Variants in MTRF1 observed in about 807,000 individuals in gnomAD.
The protein encoded by MTRF1 is mitochondrial translation release factor 1.
In MTRF1, 51 loss-of-function variants were observed where a neutral mutation model predicts 62.9. The observed-to-expected ratio is 0.81, with a 90% CI of 0.65 to 1.02. The LOEUF (loss-of-function observed/expected upper bound fraction) is 1.02. Ranked by LOEUF, MTRF1 falls within the 50% of genes least tolerant of loss-of-function variation. MTRF1 has a pLI of 0.00. For synonymous variants in MTRF1, 158 were observed against 181.9 expected (o/e 0.87, Z 1.06); for missense variants, 446 against 530.0 (o/e 0.84, Z 1.56).
At chr13:41,273,868 C>G in the MTRF1 span, among the ~76,000 whole-genome samples, 1 of 149,234 alleles carries the variant, frequency 6.7e-6, no homozygotes, top group African/African-American at 2.6e-5. Context: ...AAGCTGAACA[C>G]TGATTTGGTC....
the MTRF1 span, among the ~76,000 whole-genome samples, chr13:41,278,997 A>AT: frequency 2.0e-5 from 3 of 151,576 alleles, no homozygotes; most frequent in Admixed American, 6.6e-5. Context: ...TTTATTTTTT[A>AT]TTTTTTTTGA....
the MTRF1 span, among the ~76,000 whole-genome samples, chr13:41,296,405 C>T: frequency 6.6e-6 from 1 of 152,168 alleles, no homozygotes; most frequent in African/African-American, 2.4e-5. Context: ...TGTTTCAAAC[C>T]TTTTGACATC....
the MTRF1 span, among the ~76,000 whole-genome samples, chr13:41,297,600 G>C: frequency 6.6e-6 from 1 of 150,426 alleles, no homozygotes. Flanking sequence ...TTCTGAGACC[G>C]GGTCTTGCTT....
the MTRF1 span, among the ~76,000 whole-genome samples, chr13:41,309,383 T>TGTGTGTGTGTGC: frequency 6.9e-6 from 1 of 144,810 alleles, no homozygotes; most frequent in Admixed American, 6.9e-5. Context: ...TGTGTGTGTG[T>TGTGTGTGTGTGC]TTGCCATGTT....
At chr13:41,264,367 C>A (rs3764054), upstream of MTRF1, among the ~76,000 whole-genome samples, 94,644 of 152,112 alleles carry the variant, frequency 0.62, 29,790 homozygotes, top group Admixed American at 0.65. Flanking sequence ...ATGAAAACTC[C>A]AGTTAATAAA....
At chr13:41,274,634 T>A in the MTRF1 span, among the ~76,000 whole-genome samples, 6 of 151,506 alleles carry the variant, frequency 4.0e-5, no homozygotes, top group African/African-American at 1.5e-4. Flanking sequence ...ACGATAACTT[T>A]GACATGAAAT....
chr13:41,276,581 A>G, the MTRF1 span, among the ~76,000 whole-genome samples: 9 of 152,194 alleles, frequency 5.9e-5, no homozygotes, highest in African/African-American at 2.2e-4. Context: ...TCCAAAAATT[A>G]TAACAGTGAG....
chr13:41,309,181 G>A, the MTRF1 span, among the ~76,000 whole-genome samples: 1 of 151,896 alleles, frequency 6.6e-6, no homozygotes, highest in East Asian at 1.9e-4. Context: ...GAACATACAC[G>A]TGCATGTGTC....
chr13:41,274,912 C>CTAT, the MTRF1 span, among the ~76,000 whole-genome samples: 408 of 151,612 alleles, frequency 2.7e-3, 3 homozygotes, highest in African/African-American at 9.0e-3. Flanking sequence ...CGTGCCCGGC[C>CTAT]TATTATTATT....
chr13:41,308,377 T>G, the MTRF1 span, among the ~76,000 whole-genome samples: 2 of 152,270 alleles, frequency 1.3e-5, no homozygotes, highest in Non-Finnish European at 2.9e-5. Flanking sequence ...AGGGCTTGAC[T>G]GACGCACTGA....
At chr13:41,249,346 C>G (rs1475375972) in intron 5 of MTRF1, among the ~76,000 whole-genome samples, 1 of 152,042 alleles carries the variant, frequency 6.6e-6, no homozygotes, top group Non-Finnish European at 1.5e-5. Flanking sequence ...TGGAGACCAT[C>G]CTGGCTAACA....
intron 5 of MTRF1, among the ~76,000 whole-genome samples, chr13:41,244,278 G>A (rs555704133): frequency 6.6e-6 from 1 of 152,342 alleles, no homozygotes; most frequent in East Asian, 1.9e-4. Flanking sequence ...TGAAAAGTCT[G>A]AAGGAAATCT....
the MTRF1 span, chr13:41,311,630 G>A: frequency 1.3e-6 from 2 of 1,551,726 alleles, no homozygotes; most frequent in Non-Finnish European, 1.8e-6. Context: ...CCGGGTCCTC[G>A]GGCCTTAAGG....
At chr13:41,271,089 A>C in the MTRF1 span, among the ~76,000 whole-genome samples, 13 of 131,528 alleles carry the variant, frequency 9.9e-5, no homozygotes, top group African/African-American at 3.6e-4. Flanking sequence ...ACACACACAC[A>C]CACCCCATAT....
At chr13:41,254,830 C>T (rs569109729) in intron 2 of MTRF1, among the ~76,000 whole-genome samples, 2 of 151,596 alleles carry the variant, frequency 1.3e-5, no homozygotes, top group African/African-American at 4.8e-5. Flanking sequence ...GCAATATAAT[C>T]GTGCTTCCCA....
the MTRF1 span, among the ~76,000 whole-genome samples, chr13:41,283,660 G>A: frequency 1.6e-5 from 2 of 125,476 alleles, no homozygotes; most frequent in Non-Finnish European, 3.1e-5. Flanking sequence ...CGCGATCTCG[G>A]CTCACTGCAA....
chr13:41,303,197 T>C, the MTRF1 span, among the ~76,000 whole-genome samples: 1 of 152,132 alleles, frequency 6.6e-6, no homozygotes, highest in African/African-American at 2.4e-5. Context: ...CTCTATTTTT[T>C]TGGACTACTT....
chr13:41,255,745 C>A (rs1339228207), intron 2 of MTRF1, among the ~76,000 whole-genome samples: 1 of 152,022 alleles, frequency 6.6e-6, no homozygotes, highest in Non-Finnish European at 1.5e-5. Flanking sequence ...ATTTTTGTAA[C>A]CTGTCCTGTA....
chr13:41,219,853 C>T (rs2032845597), intron 9 of MTRF1, among the ~76,000 whole-genome samples: 1 of 151,816 alleles, frequency 6.6e-6, no homozygotes, highest in Non-Finnish European at 1.5e-5. Flanking sequence ...ACAAAATTAG[C>T]TGGGCATGGT....
Sources: allele counts gnomAD v4.1 joint callset (sites outside exome capture counted in the v4.1 genomes callset), GRCh38; gene constraint gnomAD v4.1.1; transcripts MANE v1.5; gene names NCBI Gene and HGNC (gene_info 2026-07-23, HGNC 2026-07-21).